The following SLC24A2 variants were observed in gnomAD, a reference collection of about 807,000 sequenced individuals.
The protein encoded by SLC24A2 is solute carrier family 24 member 2, also known as sodium/potassium/calcium exchanger 2.
A neutral mutation model predicts 62.0 loss-of-function variants in SLC24A2; 36 were observed. The observed-to-expected ratio is 0.58, with a 90% CI of 0.44 to 0.77. The LOEUF (loss-of-function observed/expected upper bound fraction) is 0.77, where lower values mean the gene tolerates loss of function less well. Ranked by LOEUF, SLC24A2 falls within the 30% of genes least tolerant of loss-of-function variation. The pLI is 0.00. For synonymous variants in SLC24A2, 358 were observed against 294.0 expected, an observed-to-expected ratio of 1.22 and a Z score of -2.23; for missense variants, 846 against 817.9, an observed-to-expected ratio of 1.03 and a Z score of -0.42.
Position 19,516,045 on chromosome 9 carries a change from G to T in SLC24A2, c.*108C>A. ...CAAATTCACCAAGGAGGGACACTTG[G>T]CACCCAGGGCTGTGTGCCAGCTGCC... On this transcript the variant is annotated 3_prime_UTR_variant, in exon 11 of 11. Transcript: ENST00000341998. The T allele has an allele frequency of 7.2e-7, 1 of 1,380,220 alleles. No individual in the cohort carries two copies. Among genetic ancestry groups the T allele is most frequent in the Non-Finnish European group, 1.0e-6 (1 of 969,464 alleles). The allele number at this position is 1,380,220 out of a possible 1,614,324, so 85.5% of individuals were successfully genotyped here.
At chr9:20,081,333 A>T in the SLC24A2 span, among the ~76,000 whole-genome samples, 1 of 151,784 alleles carries the variant, frequency 6.6e-6, no homozygotes, top group African/African-American at 2.4e-5. Flanking sequence ...TTGTAGGGAC[A>T]TGGATGAAGC....
the SLC24A2 span, among the ~76,000 whole-genome samples, chr9:20,243,208 TA>T: frequency 9.3e-4 from 141 of 152,288 alleles, 1 homozygote; most frequent in African/African-American, 3.1e-3. Context: ...GCACAATTTT[TA>T]AAAAAATTAT....
chr9:19,653,207 G>C (rs1818849158), intron 2 of SLC24A2, among the ~76,000 whole-genome samples: 1 of 152,214 alleles, frequency 6.6e-6, no homozygotes, highest in Non-Finnish European at 1.5e-5. Context: ...CACAAGACTT[G>C]TCTTTGAAAT....
At chr9:19,621,008 T>G (rs1055130576) in intron 3 of SLC24A2, among the ~76,000 whole-genome samples, 75 of 152,346 alleles carry the variant, frequency 4.9e-4, no homozygotes, top group African/African-American at 1.5e-3. Context: ...TGCTATATCC[T>G]AGACCAACTC....
the SLC24A2 span, among the ~76,000 whole-genome samples, chr9:20,083,365 C>T: frequency 2.0e-5 from 3 of 152,202 alleles, no homozygotes; most frequent in African/African-American, 7.2e-5. Context: ...AAACAGTGGA[C>T]ACCATGCTTT....
chr9:20,063,111 A>G, the SLC24A2 span, among the ~76,000 whole-genome samples: 2 of 121,286 alleles, frequency 1.6e-5, no homozygotes, highest in Non-Finnish European at 3.3e-5. Context: ...AGAACTAGAA[A>G]TACCATTTGA....
the SLC24A2 span, among the ~76,000 whole-genome samples, chr9:19,963,063 G>T: frequency 6.6e-6 from 1 of 151,976 alleles, no homozygotes; most frequent in Non-Finnish European, 1.5e-5. Flanking sequence ...AAATAACGCC[G>T]CATATCTACA....
chr9:19,729,789 T>C (rs571318936), intron 2 of SLC24A2, among the ~76,000 whole-genome samples: 97 of 152,254 alleles, frequency 6.4e-4, no homozygotes, highest in African/African-American at 2.2e-3. Flanking sequence ...CTGGAATAAG[T>C]TCTAGTGCTC....
chr9:19,721,722 G>A (rs546013909), intron 2 of SLC24A2, among the ~76,000 whole-genome samples: 198 of 152,056 alleles, frequency 1.3e-3, no homozygotes, highest in Non-Finnish European at 2.4e-3. Context: ...ACAGTTCTAT[G>A]GTCCTCCTAA....
chr9:20,041,500 G>A, the SLC24A2 span, among the ~76,000 whole-genome samples: 1 of 152,196 alleles, frequency 6.6e-6, no homozygotes, highest in Admixed American at 6.5e-5. Context: ...CAGGCTTTCT[G>A]ACTTGGAACA....
At chr9:20,197,180 T>C in the SLC24A2 span, among the ~76,000 whole-genome samples, 3 of 152,178 alleles carry the variant, frequency 2.0e-5, no homozygotes, top group African/African-American at 7.2e-5. Flanking sequence ...GGATAAGAGA[T>C]TTCTAGAAAT....
At chr9:20,296,770 A>G in the SLC24A2 span, among the ~76,000 whole-genome samples, 1 of 152,236 alleles carries the variant, frequency 6.6e-6, no homozygotes, top group Non-Finnish European at 1.5e-5. Flanking sequence ...ATTGCCAATC[A>G]TAGTGGTATG....
chr9:20,230,712 T>G, the SLC24A2 span, among the ~76,000 whole-genome samples: 1 of 152,218 alleles, frequency 6.6e-6, no homozygotes, highest in Non-Finnish European at 1.5e-5. Flanking sequence ...TAGTTTCTTT[T>G]GCTGTGCAGA....
the SLC24A2 span, among the ~76,000 whole-genome samples, chr9:19,874,319 G>A: frequency 0.03 from 4,495 of 151,978 alleles, 213 homozygotes; most frequent in African/African-American, 0.1. Flanking sequence ...ATAATTCATT[G>A]CTCTGGAAAT....
the SLC24A2 span, among the ~76,000 whole-genome samples, chr9:20,199,834 T>C: frequency 1.7e-4 from 25 of 151,366 alleles, no homozygotes; most frequent in African/African-American, 4.9e-4. Context: ...TTCACGTGCC[T>C]CAGCCTCCTG....
chr9:19,799,320 T>A, the SLC24A2 span, among the ~76,000 whole-genome samples: 8 of 152,212 alleles, frequency 5.3e-5, no homozygotes, highest in Non-Finnish European at 1.5e-5. Context: ...CTGATACACT[T>A]TTTCTGTTTC....
chr9:20,241,714 T>C, the SLC24A2 span, among the ~76,000 whole-genome samples: 1 of 152,054 alleles, frequency 6.6e-6, no homozygotes, highest in African/African-American at 2.4e-5. Context: ...AAAGGGACCA[T>C]AAGCGAGTAA....
At chr9:19,906,376 G>C in the SLC24A2 span, among the ~76,000 whole-genome samples, 1 of 151,240 alleles carries the variant, frequency 6.6e-6, no homozygotes, top group Non-Finnish European at 1.5e-5. Flanking sequence ...GAGAAAGCAG[G>C]AAAGATCTAA....
the SLC24A2 span, among the ~76,000 whole-genome samples, chr9:20,204,542 C>T: frequency 6.6e-6 from 1 of 152,020 alleles, no homozygotes; most frequent in Non-Finnish European, 1.5e-5. Context: ...TATCCTGGAC[C>T]AACTTTGCTG....
Sources: gnomAD v4.1 joint callset for allele counts (sites outside exome capture counted in the v4.1 genomes callset) on GRCh38, gnomAD v4.1.1 for gene constraint, MANE v1.5 for transcripts, NCBI Gene and HGNC (gene_info 2026-07-23, HGNC 2026-07-21) for gene names.